The following HDGF variants were observed in gnomAD, a reference collection of about 807,000 sequenced individuals.
The protein encoded by HDGF is heparin binding growth factor.
A neutral mutation model predicts 30.0 loss-of-function variants in HDGF; 5 were observed. The observed-to-expected ratio is 0.17, with a 90% CI of 0.09 to 0.35. The LOEUF is 0.35. Among genes scored for constraint, HDGF ranks in the 10% least tolerant of loss-of-function variants. The pLI is 1.00. For missense variants in HDGF, 214 were observed against 302.8 expected (o/e 0.71, Z 2.18); for synonymous variants, 133 against 112.7 (o/e 1.18, Z -1.14).
At chr1:156,751,851 C>T (rs1010580892), upstream of HDGF, 23 of 973,500 alleles carry the variant, frequency 2.4e-5, no homozygotes, top group African/African-American at 5.2e-5. The surrounding 1 kb of genome is among the most constrained non-coding windows in gnomAD (Gnocchi z 4.7). Flanking sequence ...GGGCCTGCCA[C>T]GGCCCAACGC....
chr1:156,764,284 A>G (rs1301686107), intron 1 of HDGF, among the ~76,000 whole-genome samples: 2 of 151,720 alleles, frequency 1.3e-5, no homozygotes, highest in East Asian at 3.9e-4. Flanking sequence ...GCTGGAGTGC[A>G]GTGGCATGAT....
At chr1:156,751,775 C>T (rs1304416111), upstream of HDGF, 40 of 1,032,604 alleles carry the variant, frequency 3.9e-5, no homozygotes, top group Non-Finnish European at 3.1e-5. This position sits in a 1 kb window ranked among gnomAD's most constrained non-coding sequence, Gnocchi z 4.7. Context: ...TCCTCCTCCT[C>T]CCCCCGCCCC....
upstream of HDGF, among the ~76,000 whole-genome samples, chr1:156,756,813 G>C (rs1255721582): frequency 4.2e-5 from 2 of 47,256 alleles, no homozygotes; most frequent in Non-Finnish European, 8.2e-5. Context: ...TTTTTTTTTT[G>C]AGATAGAGTC....
intron 2 of HDGF, among the ~76,000 whole-genome samples, chr1:156,758,388 G>A (rs1249396336): frequency 5.9e-5 from 9 of 151,788 alleles, no homozygotes; most frequent in African/African-American, 1.9e-4. Flanking sequence ...TCAGGAGATC[G>A]AGACCATCCT....
intron 1 of HDGF, among the ~76,000 whole-genome samples, chr1:156,762,853 CAA>C (rs1181982365): frequency 6.7e-6 from 1 of 149,704 alleles, no homozygotes; most frequent in Non-Finnish European, 1.5e-5. Context: ...GCCTGGGCAA[CAA>C]GAGCGAAACT....
At chr1:156,763,808 G>A (rs1280415831) in intron 1 of HDGF, among the ~76,000 whole-genome samples, 3 of 152,024 alleles carry the variant, frequency 2.0e-5, no homozygotes, top group Non-Finnish European at 4.4e-5. Context: ...GGCTGGTCTC[G>A]AACTCCTGAG....
intron 1 of HDGF, among the ~76,000 whole-genome samples, chr1:156,761,197 C>A (rs569678098): frequency 4.4e-4 from 67 of 152,186 alleles, no homozygotes; most frequent in Non-Finnish European, 5.9e-4. Context: ...CCTGTAATCC[C>A]AGCTACTTGA....
intron 1 of HDGF, among the ~76,000 whole-genome samples, chr1:156,746,529 G>A (rs1463578291): frequency 2.0e-5 from 3 of 152,204 alleles, no homozygotes; most frequent in Non-Finnish European, 2.9e-5. Context: ...AGTTGTTGAG[G>A]GCCAGGTCTC....
At chr1:156,744,520 GGGTAAACCCACT>G (rs772463222) in intron 3 of HDGF, 172 bp from the exon 4 acceptor site, 3 of 1,567,192 alleles carry the variant, frequency 1.9e-6, no homozygotes, top group Non-Finnish European at 2.6e-6. Context: ...ATTAGCCCCG[GGGTAAACCCACT>G]GGCCGGGCAG....
At chr1:156,744,925 A>G (rs1650419365) in intron 3 of HDGF, 83 bp downstream of exon 3, 5 of 1,512,510 alleles carry the variant, frequency 3.3e-6, no homozygotes, top group Non-Finnish European at 4.6e-6. Flanking sequence ...CTGAAGACTA[A>G]GCATCATCTG....
At chr1:156,747,850 T>A (rs1039541604) in intron 1 of HDGF, among the ~76,000 whole-genome samples, 1 of 152,160 alleles carries the variant, frequency 6.6e-6, no homozygotes, top group Non-Finnish European at 1.5e-5. Flanking sequence ...GCAAAGTGGC[T>A]ACCTGGCCAC....
Position 156,743,657 on chromosome 1 carries a change from A to G in HDGF, c.711T>C (p.His237=), listed in dbSNP as rs751988100. The G allele has an allele frequency of 2.5e-6, 4 of 1,611,036 alleles. No individual in the cohort carries two copies. Among genetic ancestry groups the G allele is most frequent in the Non-Finnish European group, 3.4e-6 (4 of 1,177,518 alleles). ...GGGTCAGGGGGCTCACTCACCTCTCATGATCTCTGATGCCTGGGGCCTCAG... is the reference window on the plus strand; with the variant it reads ...GGGTCAGGGGGCTCACTCACCTCTCGTGATCTCTGATGCCTGGGGCCTCAG... The part of the protein sequence containing the change: ...EDAEAPGIRD[H]ESL Residue 237 remains histidine (H), a synonymous_variant, in exon 5 of 6, where the codon CAT becomes CAC. Transcript: ENST00000357325.
chr1:156,743,547 C>T, intron 5 of HDGF, 92 bp from the exon 6 acceptor site: 1 of 1,577,866 alleles, frequency 6.3e-7, no homozygotes, highest in South Asian at 1.1e-5. Flanking sequence ...GAGAGCCCAC[C>T]CTGCCTCCCG....
At chr1:156,756,967 AT>A (rs1227392288), upstream of HDGF, among the ~76,000 whole-genome samples, 1 of 151,520 alleles carries the variant, frequency 6.6e-6, no homozygotes, top group Non-Finnish European at 1.5e-5. Context: ...TAATTTTTGT[AT>A]TTTTAGTAGA....
chr1:156,761,531 C>T (rs1571562312), intron 1 of HDGF, among the ~76,000 whole-genome samples: 2 of 151,678 alleles, frequency 1.3e-5, no homozygotes, highest in Non-Finnish European at 2.9e-5. Context: ...ATTGCTTGAA[C>T]CCAGGAGACA....
In HDGF at chr1:156,745,179, C is replaced by T. The variant is rs572015447; in HGVS notation, c.165-33G>A. The stretch of plus-strand genomic sequence containing the variant: ...GAGATGGGAGACTGTGCTCTCAAGC[C>T]CCTCACTGCCCCTGAGCTGCACAGC... On this transcript the variant is annotated intron_variant, in intron 2 of 5. Transcript: ENST00000357325. The T allele has an allele frequency of 6.0e-5, 97 of 1,613,670 alleles. 1 individual carries two copies. In the South Asian group the frequency reaches 1.0e-3, roughly 17 times the overall value.
chr1:156,751,201 G>A lies in HDGF; in HGVS notation c.87+142C>T. ...CATTATATAACCGGCGGGTGGGCTT[G>A]GAAGCGACAGAGAAAGAGCCGGAGA... On this transcript the variant is annotated intron_variant, in intron 1 of 5. Coordinates refer to ENST00000357325, the MANE Select transcript of HDGF (RefSeq NM_004494.3). This position sits in a 1 kb window ranked among gnomAD's most constrained non-coding sequence, Gnocchi z 4.7. 8.7e-7 allele frequency: 1 copy of A among 1,152,368 alleles called. No homozygotes were observed. Among genetic ancestry groups the A allele is most frequent in the Non-Finnish European group, 1.1e-6 (1 of 893,464 alleles). The allele number at this position is 1,152,368 out of a possible 1,614,324, so 71.4% of individuals were successfully genotyped here. A position where few individuals can be genotyped will look rare whatever the true frequency, so the allele number is the denominator to read the frequency against.
intron 2 of HDGF, among the ~76,000 whole-genome samples, chr1:156,757,624 G>A (rs569800597): frequency 1.9e-4 from 28 of 150,646 alleles, no homozygotes; most frequent in Non-Finnish European, 3.6e-4. Context: ...GAAACCCCAC[G>A]TCTACTAAAA....
chr1:156,762,278 T>C (rs1300769049), intron 1 of HDGF, among the ~76,000 whole-genome samples: 1 of 150,356 alleles, frequency 6.7e-6, no homozygotes, highest in African/African-American at 2.4e-5. Context: ...GCATGGTGGC[T>C]CATGCCTATA....
Sources: allele counts gnomAD v4.1 joint callset (sites outside exome capture counted in the v4.1 genomes callset), GRCh38; gene constraint gnomAD v4.1.1; non-coding constraint Gnocchi (gnomAD v3.1); transcripts MANE v1.5; gene names NCBI Gene and HGNC (gene_info 2026-07-23, HGNC 2026-07-21).